ITGA9: variants seen among roughly 807,000 people sequenced by gnomAD.
The protein encoded by ITGA9 is integrin alpha-9.
In ITGA9, 56 loss-of-function variants were observed where a neutral mutation model predicts 127.8. The ratio of observed to expected loss-of-function variants is 0.44; its 90% CI spans 0.35 to 0.55. The LOEUF is 0.55. Among genes scored for constraint, ITGA9 ranks in the 20% least tolerant of loss-of-function variants. ITGA9 has a pLI of 0.00. For missense variants in ITGA9, 1,196 were observed against 1,347.1 expected, an observed-to-expected ratio of 0.89 and a Z score of 1.76; for synonymous variants, 508 against 514.5, an observed-to-expected ratio of 0.99 and a Z score of 0.17.
chr3:37,787,261 C>G (rs1424944434), intron 26 of ITGA9, among the ~76,000 whole-genome samples: 2 of 150,580 alleles, frequency 1.3e-5, no homozygotes, highest in African/African-American at 4.9e-5. Context: ...AACAGGTTTT[C>G]TACACGTAGA....
chr3:37,460,691 G>T (rs866478088), intron 1 of ITGA9, among the ~76,000 whole-genome samples: 3 of 149,076 alleles, frequency 2.0e-5, no homozygotes, highest in African/African-American at 7.4e-5. Context: ...CTGGGTTCAC[G>T]CCATTCTCCT....
At chr3:37,474,779 C>G (rs1234026184) in intron 3 of ITGA9, among the ~76,000 whole-genome samples, 5 of 152,242 alleles carry the variant, frequency 3.3e-5, no homozygotes, top group South Asian at 4.1e-4. Flanking sequence ...GGGTCACATG[C>G]TGCAAAGCTG....
intron 16 of ITGA9, among the ~76,000 whole-genome samples, chr3:37,651,669 C>G (rs1023482216): frequency 6.6e-6 from 1 of 152,184 alleles, no homozygotes; most frequent in African/African-American, 2.4e-5. Flanking sequence ...GTGTGTGGAA[C>G]TGTGAGAGCT....
intron 18 of ITGA9, among the ~76,000 whole-genome samples, chr3:37,698,294 C>G (rs1700909006): frequency 6.6e-6 from 1 of 152,180 alleles, no homozygotes. Flanking sequence ...GTTGCCTGTT[C>G]ACTCTGATGG....
chr3:37,709,060 ATGC>A (rs1260952504), intron 18 of ITGA9, among the ~76,000 whole-genome samples: 3 of 152,068 alleles, frequency 2.0e-5, no homozygotes, highest in Admixed American at 6.5e-5. Context: ...CTTTTTTTTA[ATGC>A]TGCCTCAATT....
At chr3:37,645,438 C>T (rs772857015) in intron 16 of ITGA9, among the ~76,000 whole-genome samples, 10 of 152,100 alleles carry the variant, frequency 6.6e-5, no homozygotes, top group East Asian at 1.9e-4. Context: ...CATGGTGGTA[C>T]GTGCCTGTAA....
chr3:37,736,968 T>C lies in ITGA9; in HGVS notation c.2219T>C (p.Ile740Thr). 1.9e-6 allele frequency: 3 copies of C among 1,610,770 alleles called. No individual in the cohort carries two copies. Among genetic ancestry groups the C allele is most frequent in the South Asian group, 2.2e-5 (2 of 91,006 alleles). ...LSGEEEVLSF[I>T]VTAQSGNTER... ...GGGGAAGAGGAAGTTCTCAGCTTCA[T>C]TGTTACTGCTCAGAGGTAAGGGGGG... Residue 740 changes from isoleucine (I) to threonine (T), a missense_variant, in exon 20 of 28, where the codon ATT (isoleucine) becomes ACT (threonine). Coordinates refer to ENST00000264741, the MANE Select transcript of ITGA9 (RefSeq NM_002207.3).
chr3:37,723,394 T>A (rs1403171628), intron 18 of ITGA9, among the ~76,000 whole-genome samples: 1 of 152,138 alleles, frequency 6.6e-6, no homozygotes, highest in Admixed American at 6.5e-5. Flanking sequence ...AGAGTCTCGA[T>A]GTGTCACCCA....
chr3:37,543,213 C>T (rs78355587), intron 15 of ITGA9, among the ~76,000 whole-genome samples: 3 of 152,164 alleles, frequency 2.0e-5, no homozygotes, highest in Non-Finnish European at 2.9e-5. Flanking sequence ...TTGCAGCAGG[C>T]GCTGGCAGGG....
chr3:37,498,326 G>A (rs1397058001), intron 5 of ITGA9, among the ~76,000 whole-genome samples: 1 of 152,130 alleles, frequency 6.6e-6, no homozygotes, highest in African/African-American at 2.4e-5. Flanking sequence ...CCTTTAGATG[G>A]GAGGAGAAGC....
chr3:37,481,457 G>A, intron 3 of ITGA9, 27 bp from the exon 4 acceptor site: 1 of 1,614,048 alleles, frequency 6.2e-7, no homozygotes, highest in Non-Finnish European at 8.5e-7. Context: ...CAACTTTCCT[G>A]CTCTCAACTG....
chr3:37,548,962 A>G (rs1050181205), intron 15 of ITGA9, among the ~76,000 whole-genome samples: 1 of 152,178 alleles, frequency 6.6e-6, no homozygotes. Flanking sequence ...CATAGAACTG[A>G]TGTGTGGGAA....
intron 18 of ITGA9, among the ~76,000 whole-genome samples, chr3:37,721,001 C>T (rs969171695): frequency 6.6e-6 from 1 of 152,046 alleles, no homozygotes; most frequent in East Asian, 1.9e-4. Context: ...TGGGAGGAGA[C>T]CTCGCCGTCT....
At chr3:37,519,401 GC>G in intron 11 of ITGA9, 47 bp downstream of exon 11, 1 of 1,451,410 alleles carries the variant, frequency 6.9e-7, no homozygotes, top group Non-Finnish European at 9.7e-7. Context: ...CATTCATTCA[GC>G]AAACATGTAT....
chr3:37,726,016 G>C (rs934355525), intron 18 of ITGA9, among the ~76,000 whole-genome samples: 1 of 152,326 alleles, frequency 6.6e-6, no homozygotes, highest in Admixed American at 6.5e-5. Flanking sequence ...GACTGTTCTG[G>C]TAAGGTTCAA....
At chr3:37,471,363 G>A (rs1698429712) in intron 2 of ITGA9, among the ~76,000 whole-genome samples, 1 of 152,090 alleles carries the variant, frequency 6.6e-6, no homozygotes, top group East Asian at 1.9e-4. Context: ...ATAAATTAGT[G>A]GGCAAAAGAG....
chr3:37,537,998 T>A (rs1192591505), intron 14 of ITGA9, among the ~76,000 whole-genome samples: 1 of 152,174 alleles, frequency 6.6e-6, no homozygotes, highest in Non-Finnish European at 1.5e-5. Context: ...CCCTCACCCG[T>A]GGACGGTGCT....
chr3:37,683,767 A>C (rs943531739), intron 17 of ITGA9, 98 bp from the exon 18 acceptor site: 16 of 1,233,244 alleles, frequency 1.3e-5, no homozygotes, highest in Non-Finnish European at 1.8e-5. Context: ...TGTAGTTCTG[A>C]TCTCGGTTTC....
chr3:37,734,404 G>C (rs1055912735), intron 19 of ITGA9, among the ~76,000 whole-genome samples: 2 of 152,196 alleles, frequency 1.3e-5, no homozygotes, highest in African/African-American at 2.4e-5. Context: ...ACTTGCAACA[G>C]TTTCCATTTC....
Sources: allele counts gnomAD v4.1 joint callset (sites outside exome capture counted in the v4.1 genomes callset), GRCh38; gene constraint gnomAD v4.1.1; transcripts MANE v1.5; gene names NCBI Gene and HGNC (gene_info 2026-07-23, HGNC 2026-07-21).